DNAH11: variants seen among roughly 807,000 people sequenced by gnomAD.
DNAH11 encodes dynein axonemal heavy chain 11.
DNAH11 carries 442 observed loss-of-function variants against 526.0 expected under a neutral mutation model. The observed-to-expected ratio is 0.84, with a 90% CI of 0.78 to 0.91. The LOEUF (loss-of-function observed/expected upper bound fraction) is 0.91. DNAH11 is among the 40% of genes least tolerant of loss of function. The probability of loss-of-function intolerance (pLI) is 0.00; values close to 1 mark genes in which losing one functional copy is unlikely to be tolerated. For missense variants in DNAH11, 6,989 were observed against 5,448.7 expected, an observed-to-expected ratio of 1.28 and a Z score of -8.90; for synonymous variants, 2,461 against 1,935.9, an observed-to-expected ratio of 1.27 and a Z score of -7.12.
At chr7:21,627,061 T>C (rs1786374560) in intron 25 of DNAH11, among the ~76,000 whole-genome samples, 1 of 152,128 alleles carries the variant, frequency 6.6e-6, no homozygotes, top group Non-Finnish European at 1.5e-5. Flanking sequence ...GTGTCTTCTT[T>C]TGAGAAATGC....
intron 27 of DNAH11, among the ~76,000 whole-genome samples, 172 bp downstream of exon 27, chr7:21,637,874 A>G (rs1786941915): frequency 1.3e-5 from 2 of 152,176 alleles, no homozygotes; most frequent in African/African-American, 2.4e-5. Flanking sequence ...GAACATATAT[A>G]TAGTAAGTTA....
intron 76 of DNAH11, among the ~76,000 whole-genome samples, chr7:21,887,092 CATAT>C (rs1209105073): frequency 6.6e-6 from 1 of 152,212 alleles, no homozygotes; most frequent in Non-Finnish European, 1.5e-5. Context: ...AAGTGGTTAA[CATAT>C]TTGGAAATTA....
intron 55 of DNAH11, among the ~76,000 whole-genome samples, chr7:21,767,808 A>C (rs1386444238): frequency 6.6e-6 from 1 of 152,176 alleles, no homozygotes; most frequent in Admixed American, 6.5e-5. Flanking sequence ...AATGAGCACT[A>C]ATTTGATCAC....
chr7:21,761,826 T>C (rs1322443614), intron 54 of DNAH11, among the ~76,000 whole-genome samples: 1 of 152,214 alleles, frequency 6.6e-6, no homozygotes, highest in African/African-American at 2.4e-5. Context: ...AATGGTTCTC[T>C]AAGTGACCAT....
In DNAH11 at chr7:21,601,276, G is replaced by T; in HGVS notation, c.3425+97G>T. The T allele has an allele frequency of 2.5e-5, 37 of 1,452,416 alleles. 1 individual carries two copies. The highest frequency in any genetic ancestry group is 3.4e-5 in the Non-Finnish European group (37 of 1,078,212). 90.0% of individuals were successfully genotyped at this position (1,452,416 alleles called of 1,614,324 possible). ...AGCGTATTAATGTTGCCAGTTTCAT[G>T]ATAGAGATAAATGTTTAATCAGGTA... On this transcript the variant is annotated intron_variant, in intron 17 of 81. Coordinates refer to ENST00000409508, the MANE Select transcript of DNAH11 (RefSeq NM_001277115.2).
rs568054078 is a variant in DNAH11, at chr7:21,845,794, A to G, written c.10896+3046A>G. Among the ~76,000 whole-genome samples the G allele has an allele frequency of 3.3e-5, 5 of 152,334 alleles. No individual in the cohort carries two copies. In the East Asian group the frequency reaches 9.6e-4, roughly 29 times the overall value. On this transcript the variant is annotated intron_variant, in intron 66 of 81. Transcript: ENST00000409508. ...TTTGAATAATATTGTGTTGAATTTC[A>G]GAAAGGAATGACTTAACAATAATGG...
At chr7:21,643,346 T>A (rs1787205656) in intron 28 of DNAH11, among the ~76,000 whole-genome samples, 2 of 152,192 alleles carry the variant, frequency 1.3e-5, no homozygotes. Context: ...AACCACTGAT[T>A]CCTTATGATG....
At chr7:21,713,054 C>CT (rs1784520152) in intron 42 of DNAH11, among the ~76,000 whole-genome samples, 1 of 152,188 alleles carries the variant, frequency 6.6e-6, no homozygotes, top group East Asian at 1.9e-4. Flanking sequence ...AGTTGTAATG[C>CT]TTTGATTTAG....
chr7:21,833,085 G>A (rs1781851247), intron 65 of DNAH11, among the ~76,000 whole-genome samples: 1 of 152,154 alleles, frequency 6.6e-6, no homozygotes, highest in South Asian at 2.1e-4. Flanking sequence ...CCATGACAGT[G>A]AACTGTCCCA....
chr7:21,793,414 G>A (rs930157103), intron 61 of DNAH11, among the ~76,000 whole-genome samples: 4 of 151,974 alleles, frequency 2.6e-5, no homozygotes, highest in African/African-American at 4.8e-5. Flanking sequence ...TCAGGAGATT[G>A]AGACCATCCT....
intron 25 of DNAH11, among the ~76,000 whole-genome samples, chr7:21,622,367 T>C (rs1054613188): frequency 6.6e-6 from 1 of 152,146 alleles, no homozygotes; most frequent in Non-Finnish European, 1.5e-5. Flanking sequence ...GTAAGAAGAA[T>C]CAATATTGTG....
At chr7:21,736,771 T>A (rs1460276898) in intron 46 of DNAH11, among the ~76,000 whole-genome samples, 4 of 152,140 alleles carry the variant, frequency 2.6e-5, no homozygotes. Context: ...GGAGGATTGC[T>A]TGAGCCCAGG....
chr7:21,883,173 ATTTTACTTGTTC>A (rs1169479033), intron 75 of DNAH11, among the ~76,000 whole-genome samples: 1 of 152,212 alleles, frequency 6.6e-6, no homozygotes, highest in Admixed American at 6.5e-5. Context: ...AGTTGAAGCA[ATTTTACTTGTTC>A]TGTTCTGTCA....
chr7:21,655,804 C>G (rs1340179908), intron 28 of DNAH11, 28 bp from the exon 29 acceptor site: 1 of 1,598,650 alleles, frequency 6.3e-7, no homozygotes, highest in Non-Finnish European at 8.5e-7. Context: ...AAGAAATGTT[C>G]TTATCTTTTC....
intron 31 of DNAH11, 145 bp from the exon 32 acceptor site, chr7:21,683,639 A>G (rs904286209): frequency 5.2e-6 from 4 of 770,900 alleles, no homozygotes; most frequent in Admixed American, 2.8e-5. Context: ...AACCATGTAT[A>G]TGCTATTATA....
intron 25 of DNAH11, among the ~76,000 whole-genome samples, chr7:21,630,551 C>G (rs1016892705): frequency 6.6e-6 from 1 of 152,186 alleles, no homozygotes; most frequent in Non-Finnish European, 1.5e-5. Flanking sequence ...ATACTTCAAT[C>G]TGTCTCTCAT....
chr7:21,744,302 G>T, intron 49 of DNAH11, 136 bp from the exon 50 acceptor site: 1 of 996,946 alleles, frequency 1.0e-6, no homozygotes, highest in Non-Finnish European at 1.5e-6. Context: ...TTTTATACAC[G>T]AACACGCACA....
At chr7:21,590,832 A>G in intron 12 of DNAH11, 86 bp from the exon 13 acceptor site, 1 of 805,800 alleles carries the variant, frequency 1.2e-6, no homozygotes, top group Non-Finnish European at 1.8e-6. Flanking sequence ...CTTGGATAAC[A>G]TCTTAAGTAT....
chr7:21,765,081 A>G (rs1787115939), intron 54 of DNAH11, among the ~76,000 whole-genome samples: 2 of 152,232 alleles, frequency 1.3e-5, no homozygotes, highest in Admixed American at 6.5e-5. Flanking sequence ...GTATTATTGT[A>G]TCATGGTGAT....
Sources: gnomAD v4.1 joint callset for allele counts (sites outside exome capture counted in the v4.1 genomes callset) on GRCh38, gnomAD v4.1.1 for gene constraint, MANE v1.5 for transcripts, NCBI Gene and HGNC (gene_info 2026-07-23, HGNC 2026-07-21) for gene names.